DMD: variants seen among roughly 807,000 people sequenced by gnomAD.
DMD encodes the protein dystrophin.
In DMD, 63 loss-of-function variants were observed where a neutral mutation model predicts 330.1. The observed-to-expected ratio is 0.19, with a 90% CI of 0.16 to 0.24. The LOEUF (loss-of-function observed/expected upper bound fraction) is 0.24, where lower values mean the gene tolerates loss of function less well. Ranked by LOEUF, DMD falls within the 10% of genes least tolerant of loss-of-function variation. The pLI is 1.00. For synonymous variants in DMD, 1,223 were observed against 959.8 expected (o/e 1.27, Z -5.07); for missense variants, 3,344 against 2,684.1 (o/e 1.25, Z -5.43).
intron 29 of DMD, among the ~76,000 whole-genome samples, chrX:32,419,504 A>C (rs955177549): frequency 2.2e-4 from 25 of 112,105 alleles, no homozygotes; most frequent in African/African-American, 7.5e-4. Flanking sequence ...TTTAATAGGG[A>C]TATAGGCGGT....
intron 44 of DMD, among the ~76,000 whole-genome samples, chrX:32,208,051 T>C (rs1211213252): frequency 2.7e-5 from 3 of 112,201 alleles, no homozygotes; most frequent in African/African-American, 9.7e-5. Context: ...TTTTGAGAAC[T>C]ATGCTGCCAC....
In DMD at chrX:32,160,851, T is replaced by C. The variant is rs1357951677; in HGVS notation, c.6438+56065A>G. Reference sequence around the variant, plus strand: ...AATGAACAACATAAGATGTACAGCTTGCCAAATCTAAACTTTAATATTAGA... The same window carrying C: ...AATGAACAACATAAGATGTACAGCTCGCCAAATCTAAACTTTAATATTAGA... On this transcript the variant is annotated intron_variant, in intron 44 of 78. Transcript: ENST00000357033. Among the ~76,000 whole-genome samples the C allele has an allele frequency of 6.3e-5, 7 of 111,797 alleles. No individual in the cohort carries two copies. The East Asian group carries it at 2.0e-3, about 32-fold the overall frequency.
intron 44 of DMD, among the ~76,000 whole-genome samples, chrX:32,028,027 C>T (rs991314612): frequency 7.1e-5 from 8 of 111,944 alleles, no homozygotes; most frequent in African/African-American, 2.6e-4. Flanking sequence ...AGAAGAGAGG[C>T]AGGAGAGGGA....
intron 44 of DMD, among the ~76,000 whole-genome samples, chrX:32,216,277 C>G (rs1005661834): frequency 1.8e-5 from 2 of 111,898 alleles, no homozygotes; most frequent in African/African-American, 6.5e-5. Flanking sequence ...CCTGGACAAT[C>G]TAATCTATCT....
rs758410421 is a variant in DMD at position 32,412,553 on chromosome X, A to G, written c.4072-640T>C. On this transcript the variant is annotated intron_variant, in intron 29 of 78. Transcript: ENST00000357033. ...AGAAAAAATAATAAGTAATCCTAAT[A>G]TAGCTGCAATTAATCTTGATTGTAA... 5.3e-5 allele frequency among the ~76,000 whole-genome samples: 6 copies of G among 112,161 alleles called. No homozygotes were observed. The South Asian group carries it at 1.9e-3, about 35-fold the overall frequency.
intron 1 of DMD, among the ~76,000 whole-genome samples, chrX:33,288,896 C>G (rs975111582): frequency 1.8e-5 from 2 of 110,502 alleles, no homozygotes; most frequent in Non-Finnish European, 3.8e-5. Context: ...TTGCACAGTG[C>G]CTAAAGTCGA....
chrX:32,731,190 T>A (rs1032703709), intron 7 of DMD, among the ~76,000 whole-genome samples: 2 of 112,206 alleles, frequency 1.8e-5, no homozygotes, highest in African/African-American at 3.2e-5. Context: ...ACCCGAATAC[T>A]GCGTGTTTCC....
chrX:31,721,196 C>T (rs1252639789), intron 52 of DMD, among the ~76,000 whole-genome samples: 1 of 111,602 alleles, frequency 9.0e-6, no homozygotes, highest in Non-Finnish European at 1.9e-5. Context: ...TGAAGAAACA[C>T]ATGACATTAT....
intron 54 of DMD, among the ~76,000 whole-genome samples, chrX:31,631,872 G>A (rs1217169301): frequency 9.0e-6 from 1 of 111,645 alleles, no homozygotes; most frequent in Non-Finnish European, 1.9e-5. Flanking sequence ...CCTTTAAGGA[G>A]ACCTATAGAT....
intron 7 of DMD, among the ~76,000 whole-genome samples, chrX:32,785,584 G>C (rs1049901162): frequency 9.0e-6 from 1 of 111,454 alleles, no homozygotes; most frequent in Non-Finnish European, 1.9e-5. Context: ...TGAATGCAAA[G>C]ATATTATCAT....
At chrX:33,331,670 T>C (rs1350361659) in intron 1 of DMD, among the ~76,000 whole-genome samples, 3 of 111,640 alleles carry the variant, frequency 2.7e-5, no homozygotes, top group Non-Finnish European at 3.8e-5. Context: ...CAGGTGTACA[T>C]TGACAGCAAT....
rs766235847 is a variant in DMD at position 33,062,728 on chromosome X, C to T, written c.32-42528G>A. Among the ~76,000 whole-genome samples, 17 of 112,689 alleles carry T rather than the reference C, an allele frequency of 1.5e-4. No homozygotes were observed. The South Asian group carries it at 4.7e-3, about 31-fold the overall frequency. On this transcript the variant is annotated intron_variant, in intron 1 of 78. Coordinates refer to ENST00000357033, the MANE Select transcript of DMD (RefSeq NM_004006.3). ...CTGGCCTCCGGTGATCCACCCGCCT[C>T]GGCCTCCCAAAGTGCTGGGATAACA...
At chrX:33,112,474 C>T (rs73453823) in intron 1 of DMD, among the ~76,000 whole-genome samples, 1,955 of 111,291 alleles carry the variant, frequency 0.018, 38 homozygotes, top group African/African-American at 0.06. Context: ...GAGTCTATAA[C>T]GCTATGCGGT....
intron 44 of DMD, among the ~76,000 whole-genome samples, chrX:32,172,594 T>C (rs973957314): frequency 9.0e-6 from 1 of 111,359 alleles, no homozygotes; most frequent in Admixed American, 9.6e-5. Context: ...GTTATATCTG[T>C]CACCTATGAT....
At chrX:32,636,831 T>C (rs1377516364) in intron 11 of DMD, among the ~76,000 whole-genome samples, 1 of 109,131 alleles carries the variant, frequency 9.2e-6, no homozygotes, top group African/African-American at 3.3e-5. Context: ...ACCCCGTCTC[T>C]ACTAAAAATA....
At chrX:31,191,454 C>T (rs1266998125) in intron 67 of DMD, among the ~76,000 whole-genome samples, 1 of 111,369 alleles carries the variant, frequency 9.0e-6, no homozygotes, top group South Asian at 3.9e-4. Flanking sequence ...ATTATAACTC[C>T]CACAATTCCC....
chrX:33,288,431 C>G (rs1364939645), intron 1 of DMD, among the ~76,000 whole-genome samples: 1 of 111,489 alleles, frequency 9.0e-6, no homozygotes, highest in African/African-American at 3.3e-5. Context: ...CTTCGGCCAA[C>G]CTGTACCCAA....
rs189696597 is a variant in DMD, at chrX:32,665,255, G to T, written c.961-20103C>A. Among the ~76,000 whole-genome samples the T allele has an allele frequency of 3.0e-3, 332 of 111,595 alleles. 2 individuals carry two copies. Among genetic ancestry groups the T allele is most frequent in the African/African-American group, 0.01 (322 of 30,699 alleles). On this transcript the variant is annotated intron_variant, in intron 9 of 78. Transcript: ENST00000357033. Reference sequence around the variant, plus strand: ...ATCAAACATGCTAGAGAAGTGTAGTGTACCGAGAATTAAGAATATGGGCTG... The same window carrying T: ...ATCAAACATGCTAGAGAAGTGTAGTTTACCGAGAATTAAGAATATGGGCTG...
At chrX:31,857,485 T>G (rs922828988) in intron 48 of DMD, among the ~76,000 whole-genome samples, 5 of 109,559 alleles carry the variant, frequency 4.6e-5, no homozygotes, top group Admixed American at 2.9e-4. Context: ...CTGTTTAATG[T>G]TCAAATTAAA....
Sources: allele counts gnomAD v4.1 joint callset (sites outside exome capture counted in the v4.1 genomes callset), GRCh38; gene constraint gnomAD v4.1.1; transcripts MANE v1.5; gene names NCBI Gene and HGNC (gene_info 2026-07-23, HGNC 2026-07-21).